FNBP1: variants seen among roughly 807,000 people sequenced by gnomAD.
FNBP1 encodes the protein formin binding protein 1.
In FNBP1, 26 loss-of-function variants were observed where a neutral mutation model predicts 90.6. That is an observed-to-expected ratio of 0.29 (90% CI 0.21 to 0.40). The LOEUF is 0.40. Among genes scored for constraint, FNBP1 ranks in the 10% least tolerant of loss-of-function variants. The pLI is 1.00. For missense variants in FNBP1, 635 were observed against 768.0 expected (o/e 0.83, Z 2.05); for synonymous variants, 260 against 265.2 (o/e 0.98, Z 0.19).
intron 2 of FNBP1, among the ~76,000 whole-genome samples, chr9:129,980,669 G>GA (rs199545216): frequency 1.1e-3 from 136 of 126,736 alleles, no homozygotes; most frequent in African/African-American, 3.8e-3. Flanking sequence ...GGTAATCACA[G>GA]AAAAAAAAAA....
chr9:129,942,327 C>A (rs1193471327), intron 6 of FNBP1, among the ~76,000 whole-genome samples: 1 of 152,212 alleles, frequency 6.6e-6, no homozygotes, highest in East Asian at 1.9e-4. Context: ...TGCATTACCA[C>A]ACAGCTACAG....
chr9:129,953,603 A>G (rs1176020757), intron 6 of FNBP1, among the ~76,000 whole-genome samples: 1 of 152,148 alleles, frequency 6.6e-6, no homozygotes, highest in Non-Finnish European at 1.5e-5. Context: ...TGAGAGATTA[A>G]ACAGTAAAAG....
intron 1 of FNBP1, among the ~76,000 whole-genome samples, chr9:130,014,510 C>T (rs1013564009): frequency 2.6e-5 from 4 of 152,066 alleles, no homozygotes; most frequent in Non-Finnish European, 4.4e-5. Context: ...CCTCGGCCCC[C>T]CAAAGTGCTG....
intron 6 of FNBP1, among the ~76,000 whole-genome samples, chr9:129,935,762 T>C (rs908799779): frequency 1.3e-5 from 2 of 152,080 alleles, no homozygotes; most frequent in East Asian, 1.9e-4. Flanking sequence ...GCTGGGATTA[T>C]AGGCATGAGC....
Position 129,985,661 on chromosome 9 carries a change from C to A in FNBP1, c.141-6287G>T, listed in dbSNP as rs191340430. On this transcript the variant is annotated intron_variant, in intron 2 of 16. Transcript: ENST00000446176. ...CAAGACCCTGTCTCTACTAAAAATA[C>A]AAAAGCTAGCCAGCCGTGGGCCAGG... Among the ~76,000 whole-genome samples the A allele has an allele frequency of 2.2e-4, 33 of 152,182 alleles. No homozygotes were observed. In the East Asian group the frequency reaches 6.4e-3, roughly 29 times the overall value.
At chr9:130,033,035 A>AT (rs1409900604) in intron 1 of FNBP1, among the ~76,000 whole-genome samples, 1 of 152,112 alleles carries the variant, frequency 6.6e-6, no homozygotes, top group Non-Finnish European at 1.5e-5. Flanking sequence ...AAAATAGCTC[A>AT]TTTTTCATGA....
chr9:129,914,190 T>C (rs1008620630), intron 11 of FNBP1, among the ~76,000 whole-genome samples: 9 of 151,114 alleles, frequency 6.0e-5, no homozygotes, highest in African/African-American at 2.2e-4. Context: ...TTTTTTTTTT[T>C]CAGACATGGT....
At chr9:129,986,327 T>C (rs2052235686) in intron 2 of FNBP1, among the ~76,000 whole-genome samples, 1 of 151,644 alleles carries the variant, frequency 6.6e-6, no homozygotes, top group Non-Finnish European at 1.5e-5. Context: ...AGAATCCCAA[T>C]ACTATGGGAT....
Position 129,899,203 on chromosome 9 carries a change from G to T in FNBP1, c.1687+762C>A, listed in dbSNP as rs148215074. 7.7e-3 allele frequency among the ~76,000 whole-genome samples: 1,168 copies of T among 151,220 alleles called. 5 individuals carry two copies. The highest frequency in any genetic ancestry group is 0.027 in the African/African-American group (1,111 of 41,246). Reference sequence around the variant, plus strand: ...AGTGATTCTCGTGCCTCAGCCTCCCGAGCAGCTGGGATTACAGGCGCCTGC... The same window carrying T: ...AGTGATTCTCGTGCCTCAGCCTCCCTAGCAGCTGGGATTACAGGCGCCTGC... On this transcript the variant is annotated intron_variant, in intron 15 of 16. Coordinates refer to ENST00000446176, the MANE Select transcript of FNBP1 (RefSeq NM_015033.3).
At chr9:129,908,311 CTT>C (rs1381113824) in intron 12 of FNBP1, among the ~76,000 whole-genome samples, 2 of 150,202 alleles carry the variant, frequency 1.3e-5, no homozygotes, top group Non-Finnish European at 3.0e-5. Context: ...TCAGGTGATC[CTT>C]CCACTTCAGC....
intron 1 of FNBP1, among the ~76,000 whole-genome samples, chr9:130,010,946 T>C (rs940325659): frequency 6.6e-6 from 1 of 150,772 alleles, no homozygotes; most frequent in Admixed American, 6.6e-5. Context: ...AAGATAGACA[T>C]GGGATTAGGG....
chr9:129,997,692 T>G (rs1014895055), intron 1 of FNBP1, among the ~76,000 whole-genome samples: 2 of 152,074 alleles, frequency 1.3e-5, no homozygotes, highest in African/African-American at 2.4e-5. Flanking sequence ...TTAAAATGAT[T>G]AACAATTATC....
intron 16 of FNBP1, chr9:129,895,493 T>A: frequency 8.5e-7 from 1 of 1,172,266 alleles, no homozygotes; most frequent in Non-Finnish European, 1.1e-6. Context: ...GCTTTTAAAT[T>A]CAGAAAGATG....
intron 12 of FNBP1, 105 bp downstream of exon 12, chr9:129,908,785 T>A: frequency 2.9e-6 from 2 of 690,744 alleles, no homozygotes; most frequent in South Asian, 3.3e-5. Context: ...TCTCTTGACC[T>A]CAGGTGATCC....
the FNBP1 span, among the ~76,000 whole-genome samples, chr9:130,052,640 C>A: frequency 1.3e-5 from 2 of 151,804 alleles, no homozygotes; most frequent in Non-Finnish European, 2.9e-5. Context: ...TGCCATGTTG[C>A]CCAGGCTGGT....
chr9:129,979,029 C>T (rs2050781228), intron 3 of FNBP1, among the ~76,000 whole-genome samples: 1 of 152,186 alleles, frequency 6.6e-6, no homozygotes, highest in Non-Finnish European at 1.5e-5. Flanking sequence ...GGACTCCTGA[C>T]AGTGCCAAAC....
chr9:129,900,460 G>T lies in FNBP1; in HGVS notation c.1516C>A (p.Pro506Thr). Residue 506 changes from proline to threonine, a missense_variant, in exon 14 of 17, where the codon CCC (proline) becomes ACC (threonine). Coordinates refer to ENST00000446176, the MANE Select transcript of FNBP1 (RefSeq NM_015033.3). This position sits in a 1 kb window ranked among gnomAD's most constrained non-coding sequence, Gnocchi z 4.1. ...TCCTGGGCGCAGTTGTTGACTGTGG[G>T]TGGGTTCTGGCTGTCGTACAGTCCG... ...QSGLYDSQNPPTVNNCAQDRE... is the reference protein window; with the variant it reads ...QSGLYDSQNPTTVNNCAQDRE... 1 of 1,605,304 alleles carries T rather than the reference G, an allele frequency of 6.2e-7. No homozygotes were observed. Among genetic ancestry groups the T allele is most frequent in the Non-Finnish European group, 8.5e-7 (1 of 1,176,204 alleles).
intron 6 of FNBP1, among the ~76,000 whole-genome samples, chr9:129,948,607 A>G (rs926699084): frequency 1.3e-5 from 2 of 151,724 alleles, no homozygotes; most frequent in African/African-American, 2.4e-5. Flanking sequence ...CAATGGCATG[A>G]TCTCAGCTCA....
rs1298405666 is a variant in FNBP1 at position 129,956,176 on chromosome 9, A to G, written c.513+1184T>C. ...GCCACAGCACCTGGCAAGAATATGT[A>G]TTTTAATATATTTAATAATTTTAGA... is the stretch of plus-strand genomic sequence containing the variant. On this transcript the variant is annotated intron_variant, in intron 6 of 16. Transcript: ENST00000446176. 3.9e-5 allele frequency among the ~76,000 whole-genome samples: 6 copies of G among 152,252 alleles called. No individual in the cohort carries two copies. The South Asian group carries it at 6.2e-4, about 16-fold the overall frequency.
Sources: gnomAD v4.1 joint callset for allele counts (sites outside exome capture counted in the v4.1 genomes callset) on GRCh38, gnomAD v4.1.1 for gene constraint, Gnocchi (gnomAD v3.1) non-coding constraint, MANE v1.5 for transcripts, NCBI Gene and HGNC (gene_info 2026-07-23, HGNC 2026-07-21) for gene names.